The following SMG6 variants were observed in gnomAD, a reference collection of about 807,000 sequenced individuals.
The protein encoded by SMG6 is SMG6 nonsense mediated mRNA decay factor.
Under a neutral mutation model 142.2 loss-of-function variants are expected in SMG6, and 66 were observed. The ratio of observed to expected loss-of-function variants is 0.46; its 90% CI spans 0.38 to 0.57. The LOEUF (loss-of-function observed/expected upper bound fraction) is 0.57, where lower values mean the gene tolerates loss of function less well. Among genes scored for constraint, SMG6 ranks in the 20% least tolerant of loss-of-function variants. The pLI, the probability that SMG6 is intolerant of heterozygous loss-of-function variation, is 0.00. For synonymous variants in SMG6, 779 were observed against 702.4 expected (o/e 1.11, Z -1.72); for missense variants, 1,793 against 1,832.0 (o/e 0.98, Z 0.39).
At chr17:2,220,443 C>A (rs930870152) in intron 10 of SMG6, among the ~76,000 whole-genome samples, 6 of 152,106 alleles carry the variant, frequency 3.9e-5, no homozygotes, top group Non-Finnish European at 8.8e-5. Context: ...CTAGCTTGGG[C>A]AACACAGTGA....
At chr17:2,153,283 T>C (rs972183094) in intron 13 of SMG6, among the ~76,000 whole-genome samples, 4 of 152,200 alleles carry the variant, frequency 2.6e-5, no homozygotes, top group African/African-American at 7.2e-5. Context: ...CCCTGCTCTA[T>C]GTACTGTATG....
At chr17:2,301,804 T>C (rs984813928) in intron 1 of SMG6, among the ~76,000 whole-genome samples, 9 of 152,218 alleles carry the variant, frequency 5.9e-5, no homozygotes, top group Admixed American at 5.9e-4. Context: ...ATCGCGCCAG[T>C]GCACTCCAGC....
chr17:2,221,594 A>G (rs534116165), intron 10 of SMG6, among the ~76,000 whole-genome samples: 2 of 152,364 alleles, frequency 1.3e-5, no homozygotes, highest in Admixed American at 6.5e-5. Context: ...CTTTAATGCC[A>G]GATGTAAAAT....
At chr17:2,248,959 T>G (rs1258234931) in intron 8 of SMG6, among the ~76,000 whole-genome samples, 1 of 151,768 alleles carries the variant, frequency 6.6e-6, no homozygotes, top group Non-Finnish European at 1.5e-5. Flanking sequence ...CTATCTCAGC[T>G]CACTGCAAGC....
At chr17:2,162,817 G>T (rs1023533468) in intron 13 of SMG6, among the ~76,000 whole-genome samples, 3 of 152,062 alleles carry the variant, frequency 2.0e-5, no homozygotes, top group Non-Finnish European at 4.4e-5. Context: ...TTTCTTTTCC[G>T]TATTGCTAAT....
intron 8 of SMG6, among the ~76,000 whole-genome samples, chr17:2,276,556 TTG>T (rs1394422891): frequency 6.6e-6 from 1 of 151,768 alleles, no homozygotes; most frequent in African/African-American, 2.4e-5. Flanking sequence ...AGCTTATTTT[TTG>T]TGTTTTTAGT....
At chr17:2,065,274 C>T in intron 17 of SMG6, 120 bp from the exon 18 acceptor site, 1 of 1,012,922 alleles carries the variant, frequency 9.9e-7, no homozygotes, top group Non-Finnish European at 1.5e-6. Flanking sequence ...CCCTCCCATG[C>T]ATGCGCTGGC....
intron 13 of SMG6, among the ~76,000 whole-genome samples, chr17:2,155,704 G>A (rs1231709702): frequency 2.6e-5 from 4 of 152,138 alleles, no homozygotes; most frequent in Non-Finnish European, 4.4e-5. Flanking sequence ...CTTCAAGAGA[G>A]GAAGGAAATG....
chr17:2,124,101 C>T (rs2069792587), intron 13 of SMG6, among the ~76,000 whole-genome samples: 1 of 152,174 alleles, frequency 6.6e-6, no homozygotes, highest in Non-Finnish European at 1.5e-5. Flanking sequence ...AACAACAACC[C>T]AGGAGAGAGA....
At chr17:2,302,402 G>A (rs577708822) in intron 1 of SMG6, among the ~76,000 whole-genome samples, 13 of 152,294 alleles carry the variant, frequency 8.5e-5, no homozygotes, top group African/African-American at 3.1e-4. Context: ...TTAGCCAGGC[G>A]TGGTGGCACA....
intron 13 of SMG6, among the ~76,000 whole-genome samples, chr17:2,104,748 G>A (rs1205502225): frequency 1.3e-5 from 2 of 152,112 alleles, no homozygotes; most frequent in Non-Finnish European, 2.9e-5. Flanking sequence ...TGTGAGACAG[G>A]AAGAGGAAAC....
At chr17:2,074,003 C>T (rs753018149) in intron 15 of SMG6, among the ~76,000 whole-genome samples, 4 of 151,986 alleles carry the variant, frequency 2.6e-5, no homozygotes, top group Admixed American at 6.5e-5. Context: ...CGCTTAAACC[C>T]GGGAGGCAGC....
intron 8 of SMG6, among the ~76,000 whole-genome samples, chr17:2,279,805 G>A (rs1422367373): frequency 1.3e-5 from 2 of 152,082 alleles, no homozygotes; most frequent in Non-Finnish European, 2.9e-5. Flanking sequence ...TGAACTACTC[G>A]CAGTTCCTGA....
In SMG6 at chr17:2,061,389, G is replaced by A; in HGVS notation, c.*103C>T. On this transcript the variant is annotated 3_prime_UTR_variant, in exon 19 of 19. Coordinates refer to ENST00000263073, the MANE Select transcript of SMG6 (RefSeq NM_017575.5). Reference sequence around the variant, plus strand: ...TGGAAGAGGATGGTTTATTGTCTGGGTGGATTGGTGGCTCAGGCACGTGGG... The same window carrying A: ...TGGAAGAGGATGGTTTATTGTCTGGATGGATTGGTGGCTCAGGCACGTGGG... The A allele has an allele frequency of 8.6e-7, 1 of 1,160,472 alleles. No homozygotes were observed. Among genetic ancestry groups the A allele is most frequent in the Non-Finnish European group, 1.2e-6 (1 of 826,022 alleles). 71.9% of individuals were successfully genotyped at this position (1,160,472 alleles called of 1,614,324 possible). A position where few individuals can be genotyped will look rare whatever the true frequency, so the allele number is the denominator to read the frequency against.
intron 13 of SMG6, among the ~76,000 whole-genome samples, chr17:2,143,398 TA>T (rs933342671): frequency 1.8e-4 from 28 of 152,208 alleles, no homozygotes; most frequent in African/African-American, 6.7e-4. Context: ...GATTCAGGCA[TA>T]AAAAGGAATG....
intron 8 of SMG6, among the ~76,000 whole-genome samples, chr17:2,281,680 A>G (rs967957803): frequency 3.9e-5 from 6 of 152,206 alleles, no homozygotes; most frequent in African/African-American, 1.4e-4. Context: ...CCCTATTTAA[A>G]GCATCCAATA....
At chr17:2,195,977 C>T (rs1033556961) in intron 10 of SMG6, among the ~76,000 whole-genome samples, 1 of 152,148 alleles carries the variant, frequency 6.6e-6, no homozygotes, top group Non-Finnish European at 1.5e-5. Context: ...CACAGTGCTG[C>T]ACAAAGAGCT....
chr17:2,084,038 G>T (rs1472627285), intron 14 of SMG6, among the ~76,000 whole-genome samples: 3 of 152,226 alleles, frequency 2.0e-5, no homozygotes, highest in Admixed American at 6.5e-5. Context: ...CGGGACCAGA[G>T]AAGTCATCTG....
intron 10 of SMG6, among the ~76,000 whole-genome samples, chr17:2,191,444 G>A (rs541138047): frequency 5.3e-5 from 8 of 152,294 alleles, no homozygotes; most frequent in African/African-American, 1.9e-4. Flanking sequence ...ATGTGGGGTG[G>A]GGGAGGAAAA....
Sources: gnomAD v4.1 joint callset for allele counts (sites outside exome capture counted in the v4.1 genomes callset) on GRCh38, gnomAD v4.1.1 for gene constraint, MANE v1.5 for transcripts, NCBI Gene and HGNC (gene_info 2026-07-23, HGNC 2026-07-21) for gene names.